Variants in PRR4 observed in about 807,000 individuals in gnomAD.
PRR4 encodes proline-rich protein 4.
PRR4 carries 7 observed loss-of-function variants against 7.6 expected under a neutral mutation model. The ratio of observed to expected loss-of-function variants is 0.92; its 90% CI spans 0.52 to 1.73. The LOEUF is 1.73. Ranked by LOEUF, PRR4 falls within the 40% of genes most tolerant of loss-of-function variation. The probability of loss-of-function intolerance (pLI) is 0.00; values close to 1 mark genes in which losing one functional copy is unlikely to be tolerated. For missense variants in PRR4, 187 were observed against 161.0 expected (o/e 1.16, Z -0.87); for synonymous variants, 64 against 58.5 (o/e 1.09, Z -0.43).
chr12:10,848,275 C>CA lies in PRR4; in HGVS notation c.100+96dup, dbSNP rs537966683. The CA allele has an allele frequency of 3.0e-3, 3,858 of 1,286,832 alleles. 19 individuals are homozygous for CA. Among genetic ancestry groups the CA allele is most frequent in the Non-Finnish European group, 3.5e-3 (3,214 of 919,626 alleles). 79.7% of individuals were successfully genotyped at this position (1,286,832 alleles called of 1,614,324 possible). On this transcript the variant is annotated intron_variant, in intron 2 of 3. Coordinates refer to ENST00000228811, the MANE Select transcript of PRR4 (RefSeq NM_007244.3). ...CCTGACCCCTCTTACCACCTCCTCCCAAAAAAATGATGAGAAGAAGACACT... is the reference window on the plus strand; with the variant it reads ...CCTGACCCCTCTTACCACCTCCTCCCAAAAAAAATGATGAGAAGAAGACACT...
At chr12:10,846,974 T>C in intron 3 of PRR4, 71 bp downstream of exon 3, 1 of 1,320,294 alleles carries the variant, frequency 7.6e-7, no homozygotes, top group Non-Finnish European at 1.0e-6. Flanking sequence ...TTCCAATTGA[T>C]TTGTGAACAC....
intron 1 of PRR4, 88 bp from the exon 2 acceptor site, chr12:10,848,495 C>A (rs1319879037): frequency 2.4e-5 from 31 of 1,278,056 alleles, no homozygotes; most frequent in Non-Finnish European, 3.2e-5. Flanking sequence ...GGTCTTCTGG[C>A]CACACCCTGT....
chr12:10,848,434 G>A (rs749533086), intron 1 of PRR4, 27 bp from the exon 2 acceptor site: 2 of 1,606,452 alleles, frequency 1.2e-6, no homozygotes, highest in Non-Finnish European at 1.7e-6. Flanking sequence ...AGGATGAAGT[G>A]AACATTACCT....
intron 2 of PRR4, among the ~76,000 whole-genome samples, chr12:10,848,121 C>G (rs1370429135): frequency 1.3e-5 from 2 of 152,138 alleles, no homozygotes; most frequent in Non-Finnish European, 2.9e-5. Context: ...GGGAAAAAAG[C>G]CTGCCCACTC....
intron 1 of PRR4, 198 bp from the exon 2 acceptor site, chr12:10,848,605 C>T (rs901343104): frequency 2.1e-6 from 1 of 479,406 alleles, no homozygotes; most frequent in African/African-American, 2.0e-5. Flanking sequence ...TGAGCATCAA[C>T]CACGAATTCA....
chr12:10,847,148 A>AT lies in PRR4; in HGVS notation c.319_320insA (p.Phe107TyrfsTer31). 2 of 1,613,492 alleles carry AT rather than the reference A, an allele frequency of 1.2e-6. No individual in the cohort carries two copies. The highest frequency in any genetic ancestry group is 1.7e-6 in the Non-Finnish European group (2 of 1,179,660). ...TGCTTCCTGCAGGCTGACAGAAGGA[A>AT]ATCGGGGTAGAGAGAGTTGACGGTG... On this transcript the variant is annotated frameshift_variant, in exon 3 of 4. Coordinates refer to ENST00000228811, the MANE Select transcript of PRR4 (RefSeq NM_007244.3). LOFTEE classifies it low-confidence loss of function (END_TRUNC).
chr12:10,848,369 T>A lies in PRR4; in HGVS notation c.100+3A>T. 1.2e-6 allele frequency: 2 copies of A among 1,607,594 alleles called. No individual in the cohort carries two copies. Among genetic ancestry groups the A allele is most frequent in the Non-Finnish European group, 1.7e-6 (2 of 1,174,404 alleles). On this transcript the variant is annotated splice_donor_region_variant and intron_variant, in intron 2 of 3. Coordinates refer to ENST00000228811, the MANE Select transcript of PRR4 (RefSeq NM_007244.3). Reference sequence around the variant, plus strand: ...AATTGGATTGAGGATCATTGGGATTTACCTGGTATGGTGAAAGTAAAGTCT... The same window carrying A: ...AATTGGATTGAGGATCATTGGGATTAACCTGGTATGGTGAAAGTAAAGTCT...
chr12:10,845,974 G>C, intron 3 of PRR4, 24 bp from the exon 4 acceptor site: 1 of 1,314,460 alleles, frequency 7.6e-7, no homozygotes, highest in Non-Finnish European at 1.0e-6. Context: ...AAAAACCAAG[G>C]AAATTTATAC....
rs969301551 is a variant in PRR4, at chr12:10,845,893, T to C, written c.*76A>G. 3.2e-6 allele frequency: 4 copies of C among 1,265,546 alleles called. No individual in the cohort carries two copies. The highest frequency in any genetic ancestry group is 3.9e-5 in the South Asian group (2 of 50,890). The allele number at this position is 1,265,546 out of a possible 1,614,324, so 78.4% of individuals were successfully genotyped here. A position where few individuals can be genotyped will look rare whatever the true frequency, so the allele number is the denominator to read the frequency against. ...TATTGGTATACTGAAGAAAGAGTTATGACCACATTATTTCAATGTCATGGC... is the reference window on the plus strand; with the variant it reads ...TATTGGTATACTGAAGAAAGAGTTACGACCACATTATTTCAATGTCATGGC... On this transcript the variant is annotated 3_prime_UTR_variant, in exon 4 of 4. Transcript: ENST00000228811.
chr12:10,847,206 A>C lies in PRR4; in HGVS notation c.262T>G (p.Phe88Val). 1 of 1,613,618 alleles carries C rather than the reference A, an allele frequency of 6.2e-7. No homozygotes were observed. The highest frequency in any genetic ancestry group is 8.5e-7 in the Non-Finnish European group (1 of 1,179,802). Residue 88 changes from phenylalanine to valine, a missense_variant, in exon 3 of 4, where the codon TTT becomes GTT. Physicochemically the swap from Phe to Val is conservative, Grantham distance 50. Transcript: ENST00000228811. Reference sequence around the variant, plus strand: ...CGGGGTGGTCGTTGCTGATTTTGAAAAGGAGGTGGGGGAGGATGGCGGTGA... The same window carrying C: ...CGGGGTGGTCGTTGCTGATTTTGAACAGGAGGTGGGGGAGGATGGCGGTGA... The part of the protein sequence containing the change: ...GHHRHPPPPP[F>V]QNQQRPPRRG...
chr12:10,846,565 A>G (rs1008708343), intron 3 of PRR4, among the ~76,000 whole-genome samples: 6 of 152,176 alleles, frequency 3.9e-5, no homozygotes, highest in African/African-American at 1.4e-4. Context: ...TAATTTCAAA[A>G]TAAGTATTTT....
In PRR4 at chr12:10,847,355, G is replaced by A; in HGVS notation, c.113C>T (p.Ser38Leu). The change falls in exon 3 of 4, where the codon TCA becomes TTA. Residue 38 changes from serine (S) to leucine (L), a missense_variant. Coordinates refer to ENST00000228811, the MANE Select transcript of PRR4 (RefSeq NM_007244.3). ...FTFTIPDVED[S>L]SQRPDQGPQR... ...GGGTCCCTGATCTGGTCTCTGACTT[G>A]AGTCCTCTACATCTGTGTGAGTAAT... The A allele has an allele frequency of 6.5e-7, 1 of 1,536,512 alleles. No homozygotes were observed. The highest frequency in any genetic ancestry group is 1.3e-5 in the South Asian group (1 of 78,452).
chr12:10,847,503 C>T, intron 2 of PRR4, 136 bp from the exon 3 acceptor site: 1 of 552,996 alleles, frequency 1.8e-6, no homozygotes, highest in Admixed American at 4.1e-5. Flanking sequence ...CTTTTGTGCC[C>T]ACTGTTTTTT....
intron 1 of PRR4, 25 bp downstream of exon 1, chr12:10,849,348 CT>C: frequency 5.2e-6 from 8 of 1,529,924 alleles, no homozygotes; most frequent in South Asian, 1.2e-5. Context: ...TCCCCATCTC[CT>C]TTTTTAAAAA....
chr12:10,849,462 C>T lies in PRR4; in HGVS notation c.-25G>A. 3 of 1,570,638 alleles carry T rather than the reference C, an allele frequency of 1.9e-6. No homozygotes were observed. The highest frequency in any genetic ancestry group is 1.9e-5 in the Admixed American group (1 of 53,670). On this transcript the variant is annotated 5_prime_UTR_variant, in exon 1 of 4. Coordinates refer to ENST00000228811, the MANE Select transcript of PRR4 (RefSeq NM_007244.3). The stretch of plus-strand genomic sequence containing the variant: ...TCTTGAAGGAGGCTCTGGAGTTGCT[C>T]CCAACTCTGCGTTGAGAGAAACATG...
At chr12:10,848,475 T>C (rs928462959) in intron 1 of PRR4, 68 bp from the exon 2 acceptor site, 24 of 1,501,324 alleles carry the variant, frequency 1.6e-5, no homozygotes, top group East Asian at 4.6e-5. Context: ...TAGTGGTCTA[T>C]AGGGAAAGGG....
intron 2 of PRR4, among the ~76,000 whole-genome samples, chr12:10,847,745 A>T (rs1949040011): frequency 1.3e-5 from 2 of 151,790 alleles, no homozygotes; most frequent in Admixed American, 1.3e-4. Flanking sequence ...TGCTGTAATG[A>T]CTTACAAACT....
At chr12:10,845,987 A>G in intron 3 of PRR4, 37 bp from the exon 4 acceptor site, 1 of 1,267,650 alleles carries the variant, frequency 7.9e-7, no homozygotes, top group Non-Finnish European at 1.0e-6. Context: ...ATTTATACAC[A>G]ACATACAACA....
In PRR4 at chr12:10,847,035, G is replaced by A; in HGVS notation, c.*18+10C>T. The A allele has an allele frequency of 6.5e-7, 1 of 1,535,614 alleles. No homozygotes were observed. The highest frequency in any genetic ancestry group is 8.8e-7 in the Non-Finnish European group (1 of 1,135,686). The stretch of plus-strand genomic sequence containing the variant: ...TTGGGCATTTAATGGAGAATGAACT[G>A]GAATCATACCTGCCACTGAATTCTA... On this transcript the variant is annotated intron_variant, in intron 3 of 3. Coordinates refer to ENST00000228811, the MANE Select transcript of PRR4 (RefSeq NM_007244.3).
Sources: allele counts gnomAD v4.1 joint callset (sites outside exome capture counted in the v4.1 genomes callset), GRCh38; gene constraint gnomAD v4.1.1; transcripts MANE v1.5; gene names NCBI Gene and HGNC (gene_info 2026-07-23, HGNC 2026-07-21).